Variants in WBP4 observed in about 807,000 individuals in gnomAD.
WBP4 encodes WW domain binding protein 4.
A neutral mutation model predicts 55.4 loss-of-function variants in WBP4; 37 were observed. That is an observed-to-expected ratio of 0.67 (90% confidence interval 0.51 to 0.88). The LOEUF (loss-of-function observed/expected upper bound fraction) is 0.88. Ranked by LOEUF, WBP4 falls within the 40% of genes least tolerant of loss-of-function variation. The pLI, the probability that WBP4 is intolerant of heterozygous loss-of-function variation, is 0.00. For missense variants in WBP4, 398 were observed against 420.8 expected (o/e 0.95, Z 0.47); for synonymous variants, 142 against 140.2 (o/e 1.01, Z -0.09).
intron 9 of WBP4, among the ~76,000 whole-genome samples, chr13:41,081,779 A>C (rs1190684200): frequency 1.3e-5 from 2 of 152,078 alleles, no homozygotes; most frequent in South Asian, 2.1e-4. Flanking sequence ...GCACCACTTC[A>C]CTCCAGCCTG....
At chr13:41,062,103 T>G (rs1361846715) in intron 1 of WBP4, 35 of 916,236 alleles carry the variant, frequency 3.8e-5, no homozygotes, top group East Asian at 3.7e-4. Context: ...ATGGTTTTTT[T>G]TTTTTTTTTT....
At chr13:41,064,887 A>G in intron 2 of WBP4, 129 bp from the exon 3 acceptor site, 1 of 865,816 alleles carries the variant, frequency 1.2e-6, no homozygotes, top group Non-Finnish European at 1.7e-6. Context: ...GCATTAAATT[A>G]ATGTTTTCAT....
intron 8 of WBP4, among the ~76,000 whole-genome samples, chr13:41,078,321 A>G (rs1421369125): frequency 6.6e-6 from 1 of 152,174 alleles, no homozygotes. Flanking sequence ...AGAATAGAGA[A>G]CCCAGAAATA....
At chr13:41,071,870 A>G (rs968481816) in intron 6 of WBP4, among the ~76,000 whole-genome samples, 5 of 151,888 alleles carry the variant, frequency 3.3e-5, no homozygotes, top group African/African-American at 9.7e-5. Context: ...GTGAAACCCT[A>G]TCTCTCCTAA....
In WBP4 at chr13:41,068,577, C is replaced by T. The variant is rs1336979205; in HGVS notation, c.279C>T (p.Ser93=). Residue 93 remains serine (S), a synonymous_variant, in exon 5 of 10, where the codon AGC becomes AGT. Transcript: ENST00000379487. ...TCTCTTTAGAAATTTTGGAGCCAAG[C>T]ATAACACCAGTAACCAGCACTATCC... ...LGLESEILEP[S]ITPVTSTIPP... 1.9e-6 allele frequency: 3 copies of T among 1,602,690 alleles called. No individual in the cohort carries two copies. The highest frequency in any genetic ancestry group is 2.6e-6 in the Non-Finnish European group (3 of 1,176,204).
At chr13:41,082,588 C>A in intron 9 of WBP4, 116 bp from the exon 10 acceptor site, 1 of 819,210 alleles carries the variant, frequency 1.2e-6, no homozygotes, top group South Asian at 1.8e-5. Context: ...AAAGTAGTTC[C>A]TACTCCAAAA....
intron 4 of WBP4, among the ~76,000 whole-genome samples, chr13:41,066,192 G>A (rs989402356): frequency 2.0e-5 from 3 of 152,160 alleles, no homozygotes; most frequent in Non-Finnish European, 4.4e-5. Context: ...ATAGATGAGA[G>A]TCCAACTATT....
intron 7 of WBP4, among the ~76,000 whole-genome samples, chr13:41,074,501 GATATA>G (rs1351082660): frequency 1.3e-5 from 2 of 152,096 alleles, no homozygotes; most frequent in African/African-American, 4.8e-5. Context: ...ATAGTATAGT[GATATA>G]ATATAGCTTT....
At chr13:41,070,307 CTG>C (rs1878182820) in intron 5 of WBP4, among the ~76,000 whole-genome samples, 1 of 151,980 alleles carries the variant, frequency 6.6e-6, no homozygotes, top group Non-Finnish European at 1.5e-5. Context: ...TGTAGACACT[CTG>C]TGTTTTGATT....
intron 5 of WBP4, 86 bp from the exon 6 acceptor site, chr13:41,071,438 CATA>C (rs1439719754): frequency 9.5e-7 from 1 of 1,056,968 alleles, no homozygotes; most frequent in Non-Finnish European, 1.4e-6. Flanking sequence ...GTGTTTTGTA[CATA>C]ATGACTGTAA....
At position 41,068,584 on chromosome 13, in the gene WBP4, C is replaced by G. The variant is rs1878083060; in HGVS notation, c.286C>G (p.Pro96Ala). ...ESEILEPSIT[P>A]VTSTIPPTST... ...AGAAATTTTGGAGCCAAGCATAACA[C>G]CAGTAACCAGCACTATCCCACCTAC... The change falls in exon 5 of 10, where the codon CCA becomes GCA. Residue 96 changes from proline to alanine, a missense_variant. Pro to Ala is a conservative substitution (Grantham distance 27). Coordinates refer to ENST00000379487, the MANE Select transcript of WBP4 (RefSeq NM_007187.5). The G allele has an allele frequency of 1.2e-6, 2 of 1,608,474 alleles. No homozygotes were observed.
At chr13:41,065,621 A>G (rs1877939119) in intron 4 of WBP4, among the ~76,000 whole-genome samples, 1 of 152,184 alleles carries the variant, frequency 6.6e-6, no homozygotes, top group Admixed American at 6.5e-5. Context: ...GACACTATTC[A>G]TTTAAAAATA....
chr13:41,067,910 G>A (rs139861082), intron 4 of WBP4, among the ~76,000 whole-genome samples: 82 of 151,454 alleles, frequency 5.4e-4, no homozygotes, highest in Non-Finnish European at 9.6e-4. Flanking sequence ...TGTTCTTTTT[G>A]TAACTATCTT....
rs1419758867 is a variant in WBP4 at position 41,082,734 on chromosome 13, T to A, written c.951T>A (p.Thr317=). ...HEEVDLELPS[T]ENEYVSTSEA... ...AGGTAGATTTGGAACTTCCAAGCAC[T>A]GAAAATGAGTATGTATCAACTTCAG... Residue 317 remains threonine (T), a synonymous_variant, in exon 10 of 10, where the codon ACT becomes ACA. Transcript: ENST00000379487. 1 of 1,614,054 alleles carries A rather than the reference T, an allele frequency of 6.2e-7. No individual in the cohort carries two copies. Among genetic ancestry groups the A allele is most frequent in the Non-Finnish European group, 8.5e-7 (1 of 1,179,996 alleles).
intron 8 of WBP4, among the ~76,000 whole-genome samples, chr13:41,077,222 A>G (rs1164576579): frequency 6.6e-6 from 1 of 151,334 alleles, no homozygotes; most frequent in Non-Finnish European, 1.5e-5. Context: ...CAACCATATA[A>G]TCAGCTCAAT....
chr13:41,072,230 T>C (rs897547941), intron 6 of WBP4, among the ~76,000 whole-genome samples: 1 of 152,146 alleles, frequency 6.6e-6, no homozygotes, highest in African/African-American at 2.4e-5. Flanking sequence ...AAAACCAAGC[T>C]TCCTGGCCAT....
Position 41,083,047 on chromosome 13 carries a change from A to G in WBP4, c.*133A>G, listed in dbSNP as rs1343930674. The G allele has an allele frequency of 3.7e-5, 33 of 893,284 alleles. No individual in the cohort carries two copies. Among genetic ancestry groups the G allele is most frequent in the Non-Finnish European group, 3.3e-6 (2 of 607,230 alleles). 55.3% of individuals were successfully genotyped at this position (893,284 alleles called of 1,614,324 possible). ...ATTCTAAATGTATTTGATGTGAATT[A>G]AAATAAATATTTTTTCATGTGAAAT... On this transcript the variant is annotated 3_prime_UTR_variant, in exon 10 of 10. Transcript: ENST00000379487.
In WBP4 at chr13:41,061,582, C is replaced by T. The variant is rs986071984; in HGVS notation, c.-92C>T. ...TGGATCGGAGGGAGGTTCGGGTGGGCATCGGGCGGCTGGAAGAGCTCGACT... is the reference window on the plus strand; with the variant it reads ...TGGATCGGAGGGAGGTTCGGGTGGGTATCGGGCGGCTGGAAGAGCTCGACT... On this transcript the variant is annotated 5_prime_UTR_variant, in exon 1 of 10. Coordinates refer to ENST00000379487, the MANE Select transcript of WBP4 (RefSeq NM_007187.5). 5 of 1,596,282 alleles carry T rather than the reference C, an allele frequency of 3.1e-6. No individual in the cohort carries two copies. The highest frequency in any genetic ancestry group is 4.5e-5 in the East Asian group (2 of 44,716).
Position 41,062,096 on chromosome 13 carries a change from G to GTTTTTTTTT in WBP4, c.2+441_2+449dup, listed in dbSNP as rs60658317. 6.3e-4 allele frequency: 504 copies of GTTTTTTTTT among 804,686 alleles called. 1 individual carries two copies. The highest frequency in any genetic ancestry group is 1.4e-3 in the South Asian group (22 of 15,668). The allele number at this position is 804,686 out of a possible 1,614,324, so 49.8% of individuals were successfully genotyped here. A position where few individuals can be genotyped will look rare whatever the true frequency, so the allele number is the denominator to read the frequency against. ...GCGGCCAGCCCTGGATAGCGTAATG[G>GTTTTTTTTT]TTTTTTTTTTTTTTTTTTTTTTTTT... On this transcript the variant is annotated intron_variant, in intron 1 of 9. Coordinates refer to ENST00000379487, the MANE Select transcript of WBP4 (RefSeq NM_007187.5).
Sources: gnomAD v4.1 joint callset for allele counts (sites outside exome capture counted in the v4.1 genomes callset) on GRCh38, gnomAD v4.1.1 for gene constraint, MANE v1.5 for transcripts, NCBI Gene and HGNC (gene_info 2026-07-23, HGNC 2026-07-21) for gene names.